Variants in CC2D1B observed in about 807,000 individuals in gnomAD.
The protein encoded by CC2D1B is coiled-coil and C2 domain-containing protein 1B.
Under a neutral mutation model 110.8 loss-of-function variants are expected in CC2D1B, and 92 were observed. That is an observed-to-expected ratio of 0.83 (90% CI 0.70 to 0.99). The LOEUF (loss-of-function observed/expected upper bound fraction) is 0.99. Ranked by LOEUF, CC2D1B falls within the 50% of genes least tolerant of loss-of-function variation. The pLI is 0.00. For synonymous variants in CC2D1B, 406 were observed against 429.2 expected, an observed-to-expected ratio of 0.95 and a Z score of 0.67; for missense variants, 1,136 against 1,089.0, an observed-to-expected ratio of 1.04 and a Z score of -0.61.
At chr1:52,364,668 AGCCCATAAGCCAC>A (rs749792712) in intron 1 of CC2D1B, 34 bp from the exon 2 acceptor site, 1 of 1,451,634 alleles carries the variant, frequency 6.9e-7, no homozygotes, top group Non-Finnish European at 9.6e-7. Flanking sequence ...AGGCTGGAGT[AGCCCATAAGCCAC>A]GCCCCCAACA....
In CC2D1B at chr1:52,353,179, C is replaced by T. The variant is rs1350318490; in HGVS notation, c.*46G>A. 8 of 1,323,582 alleles carry T rather than the reference C, an allele frequency of 6.0e-6. No homozygotes were observed. Among genetic ancestry groups the T allele is most frequent in the Admixed American group, 4.5e-5 (2 of 44,070 alleles). The allele number at this position is 1,323,582 out of a possible 1,614,324, so 82.0% of individuals were successfully genotyped here. A position where few individuals can be genotyped will look rare whatever the true frequency, so the allele number is the denominator to read the frequency against. On this transcript the variant is annotated 3_prime_UTR_variant, in exon 25 of 25. Transcript: ENST00000284376. ...GCCAGCAAAGCTGGGAAAGTCATCT[C>T]CTGCACAGTCGCGGCCTGACTCCTC...
In CC2D1B at chr1:52,359,223, C is replaced by T. The variant is rs543252322; in HGVS notation, c.1126+27G>A. On this transcript the variant is annotated intron_variant, in intron 10 of 24. Transcript: ENST00000284376. ...GCCCTCCAATGCCTGCAGGTCCCCA[C>T]GCCACAGTCCCACCATCCTGCCCTA... 3.5e-5 allele frequency: 56 copies of T among 1,611,014 alleles called. 1 individual carries two copies. Among genetic ancestry groups the T allele is most frequent in the East Asian group, 6.7e-5 (3 of 44,764 alleles).
rs533596351 is a variant in CC2D1B, at chr1:52,359,527, C to T, written c.950G>A (p.Gly317Asp). 3.1e-6 allele frequency: 5 copies of T among 1,613,886 alleles called. No homozygotes were observed. The highest frequency in any genetic ancestry group is 4.2e-6 in the Non-Finnish European group (5 of 1,179,992). Residue 317 changes from glycine (G) to aspartate (D), a missense_variant, in exon 9 of 25, where the codon GGT (glycine) becomes GAT (aspartate). Transcript: ENST00000284376. ...CTTCTCCAGGGCCTCCAGGACAGCA[C>T]CGAATCTCTGCAGAAGTTGGAAAAG... ...RELMRIGKRF[G>D]AVLEALEKGQ...
At chr1:52,355,223 A>C (rs1445610898) in intron 21 of CC2D1B, among the ~76,000 whole-genome samples, 175 bp downstream of exon 21, 1 of 152,202 alleles carries the variant, frequency 6.6e-6, no homozygotes, top group Non-Finnish European at 1.5e-5. Flanking sequence ...GGCCCCAGGC[A>C]AGTCCCTGTA....
rs1569825876 is a variant in CC2D1B, at chr1:52,354,605, T to C, written c.2430+3A>G. 6.2e-7 allele frequency: 1 copy of C among 1,613,944 alleles called. No homozygotes were observed. Among genetic ancestry groups the C allele is most frequent in the Non-Finnish European group, 8.5e-7 (1 of 1,179,800 alleles). On this transcript the variant is annotated splice_donor_region_variant and intron_variant, in intron 23 of 24. Transcript: ENST00000284376. ...TTTGGCTTGCCCACACCCCAGCCCCTACCTCCACAATTTCTCTGATCTCAC... is the reference window on the plus strand; with the variant it reads ...TTTGGCTTGCCCACACCCCAGCCCCCACCTCCACAATTTCTCTGATCTCAC...
Position 52,355,842 on chromosome 1 carries a change from A to T in CC2D1B, c.2057T>A (p.Ile686Asn). ...TTCTGTGCTGTTGAGTTCTGAGAAG[A>T]TCCTAGAGCCAAGCGGGAAGGAGAA... ...FELKTFQTVR[I>N]FSELNSTEMH... Residue 686 changes from isoleucine to asparagine, a missense_variant and splice_region_variant, in exon 19 of 25, where the codon ATC (isoleucine) becomes AAC (asparagine). Ile to Asn is a moderately radical substitution (Grantham distance 149). Transcript: ENST00000284376. 6.2e-7 allele frequency: 1 copy of T among 1,614,092 alleles called. No homozygotes were observed. The highest frequency in any genetic ancestry group is 8.5e-7 in the Non-Finnish European group (1 of 1,179,986).
At chr1:52,359,592 C>A (rs948754310) in intron 8 of CC2D1B, 58 bp from the exon 9 acceptor site, 16 of 1,587,974 alleles carry the variant, frequency 1.0e-5, no homozygotes, top group African/African-American at 4.0e-5. Flanking sequence ...AGAGCCTGGG[C>A]TGAAACAACC....
At chr1:52,358,884 G>T in intron 11 of CC2D1B, 126 bp from the exon 12 acceptor site, 1 of 1,423,130 alleles carries the variant, frequency 7.0e-7, no homozygotes, top group Non-Finnish European at 9.6e-7. Context: ...GAGAAAAAAA[G>T]ATCCCTAAGG....
At position 52,353,606 on chromosome 1, in the gene CC2D1B, C is replaced by T; in HGVS notation, c.2472G>A (p.Val824=). The T allele has an allele frequency of 6.2e-7, 1 of 1,612,756 alleles. No individual in the cohort carries two copies. Among genetic ancestry groups the T allele is most frequent in the Non-Finnish European group, 8.5e-7 (1 of 1,179,366 alleles). The change falls in exon 24 of 25, where the codon GTG becomes GTA. Residue 824 remains valine, a synonymous_variant. Transcript: ENST00000284376. ...TCAGAGGCTCCCGCAGCCTCACCTT[C>T]ACCTCCAGCTTCCCCCCGGTGGGCT... ...GRKPTGGKLE[V]KVRLREPLSG... is the part of the protein sequence containing the mutation.
intron 15 of CC2D1B, 57 bp downstream of exon 15, chr1:52,357,469 C>G: frequency 6.6e-7 from 1 of 1,516,768 alleles, no homozygotes. Flanking sequence ...GCCTGTCAAG[C>G]CTGCCAGCCG....
rs1253498251 is a variant in CC2D1B, at chr1:52,361,026, G to C, written c.425C>G (p.Thr142Ser). 10 of 1,614,046 alleles carry C rather than the reference G, an allele frequency of 6.2e-6. No homozygotes were observed. Among genetic ancestry groups the C allele is most frequent in the African/African-American group, 1.3e-5 (1 of 74,916 alleles). The part of the protein sequence containing the change: ...GSEEENGLED[T>S]EPPVQTAVLT... Reference sequence around the variant, plus strand: ...GACGGCTGTCTGCACTGGAGGTTCAGTGTCTTCTAGGCCGTTCTCCTCCTC... The same window carrying C: ...GACGGCTGTCTGCACTGGAGGTTCACTGTCTTCTAGGCCGTTCTCCTCCTC... The change falls in exon 5 of 25, where the codon ACT (threonine) becomes AGT (serine). Residue 142 changes from threonine (T) to serine (S), a missense_variant. Transcript: ENST00000284376.
rs1646739796 is a variant in CC2D1B, at chr1:52,359,812, GGTCTGGGTCTAA to G, written c.823_834del (p.Leu275_Asp278del). On this transcript the variant is annotated inframe_deletion, in exon 8 of 25. Coordinates refer to ENST00000284376, the MANE Select transcript of CC2D1B (RefSeq NM_001330585.2). ...TGTCGGGATGACAGCAGGGCCCGCG[GGTCTGGGTCTAA>G]GTCTGAAACGGGCTGGGCAGAAATG... The G allele has an allele frequency of 6.2e-6, 10 of 1,611,660 alleles. No individual in the cohort carries two copies. The South Asian group carries it at 9.9e-5, about 16-fold the overall frequency.
rs144481098 is a variant in CC2D1B, at chr1:52,353,621, C to G, written c.2457G>C (p.Gly819=). The change falls in exon 24 of 25, where the codon GGG becomes GGC. Residue 819 remains glycine, a synonymous_variant. Transcript: ENST00000284376. ...GCCTCACCTTCACCTCCAGCTTCCC[C>G]CCGGTGGGCTTCCTTCCATCCAGGA... The part of the protein sequence containing the change: ...VEVLDGRKPT[G]GKLEVKVRLR... 3 of 1,609,020 alleles carry G rather than the reference C, an allele frequency of 1.9e-6. No homozygotes were observed. Among genetic ancestry groups the G allele is most frequent in the East Asian group, 4.5e-5 (2 of 44,672 alleles).
chr1:52,358,966 A>G, intron 11 of CC2D1B, 61 bp downstream of exon 11: 1 of 1,587,640 alleles, frequency 6.3e-7, no homozygotes. Flanking sequence ...GACCAGGGAG[A>G]CAGAGCACCC....
chr1:52,358,599 G>A (rs1359147207), intron 12 of CC2D1B, 87 bp downstream of exon 12: 8 of 1,565,602 alleles, frequency 5.1e-6, no homozygotes, highest in Non-Finnish European at 7.0e-6. Flanking sequence ...GCAGACGCAT[G>A]AGAAGTGGGA....
chr1:52,360,914 C>G lies in CC2D1B; in HGVS notation c.477+60G>C, dbSNP rs1044696391. The G allele has an allele frequency of 2.5e-5, 40 of 1,591,288 alleles. No individual in the cohort carries two copies. In the Admixed American group the frequency reaches 6.7e-4, roughly 27 times the overall value. On this transcript the variant is annotated intron_variant, in intron 5 of 24. Coordinates refer to ENST00000284376, the MANE Select transcript of CC2D1B (RefSeq NM_001330585.2). ...CTTGCTGTGCAGGCCAGGCCACACA[C>G]GTGTTACGTCTGGGCGCACAGGAGC...
In CC2D1B at chr1:52,354,889, T is replaced by C; in HGVS notation, c.2290A>G (p.Lys764Glu). The C allele has an allele frequency of 6.2e-7, 1 of 1,614,216 alleles. No individual in the cohort carries two copies. Among genetic ancestry groups the C allele is most frequent in the Non-Finnish European group, 8.5e-7 (1 of 1,180,044 alleles). ...LNINRNHRGF[K>E]RVIQSKGIKF... ...ATGCCTTTGCTCTGGATCACCCTCTTGAAGCCCCGGTGGTTTCGGTTGATG... is the reference window on the plus strand; with the variant it reads ...ATGCCTTTGCTCTGGATCACCCTCTCGAAGCCCCGGTGGTTTCGGTTGATG... The change falls in exon 22 of 25, where the codon AAG becomes GAG. Residue 764 changes from lysine (K) to glutamate (E), a missense_variant. Transcript: ENST00000284376.
chr1:52,350,615 GT>G lies in CC2D1B; in HGVS notation c.*2609del, dbSNP rs1646518809. ...TTCTTGATTCTAAAAAATTTCTGTA[GT>G]TTATTCAGTTTGCTAATTCAGAAGA... is the stretch of plus-strand genomic sequence containing the variant. On this transcript the variant is annotated 3_prime_UTR_variant, in exon 25 of 25. Coordinates refer to ENST00000284376, the MANE Select transcript of CC2D1B (RefSeq NM_001330585.2). 1 of 152,198 alleles carries G rather than the reference GT, an allele frequency of 6.6e-6. No individual in the cohort carries two copies. The highest frequency in any genetic ancestry group is 6.5e-5 in the Admixed American group (1 of 15,280). 9.4% of individuals were successfully genotyped at this position (152,198 alleles called of 1,614,324 possible). A position where few individuals can be genotyped will look rare whatever the true frequency, so the allele number is the denominator to read the frequency against.
chr1:52,359,920 G>A (rs970548798), intron 7 of CC2D1B, 37 bp from the exon 8 acceptor site: 2 of 1,592,008 alleles, frequency 1.3e-6, no homozygotes, highest in Middle Eastern at 3.7e-4. Flanking sequence ...GAGCACATGA[G>A]GGTCACAGAA....
Sources: allele counts gnomAD v4.1 joint callset (sites outside exome capture counted in the v4.1 genomes callset), GRCh38; gene constraint gnomAD v4.1.1; transcripts MANE v1.5; gene names NCBI Gene and HGNC (gene_info 2026-07-23, HGNC 2026-07-21).